The following INF2 variants were observed in gnomAD, a reference collection of about 807,000 sequenced individuals.
INF2 encodes the protein inverted formin-2.
A neutral mutation model predicts 123.5 loss-of-function variants in INF2; 43 were observed. The ratio of observed to expected loss-of-function variants is 0.35; its 90% CI spans 0.27 to 0.45. The LOEUF is 0.45. INF2 is among the 20% of genes least tolerant of loss of function. The probability of loss-of-function intolerance (pLI) is 1.00; values close to 1 mark genes in which losing one functional copy is unlikely to be tolerated. For missense variants in INF2, 1,453 were observed against 1,682.7 expected, an observed-to-expected ratio of 0.86 and a Z score of 2.39; for synonymous variants, 851 against 745.0, an observed-to-expected ratio of 1.14 and a Z score of -2.32.
intron 18 of INF2, 84 bp downstream of exon 18, chr14:104,713,076 G>A: frequency 2.5e-6 from 4 of 1,607,868 alleles, no homozygotes; most frequent in Admixed American, 3.3e-5. Context: ...GATGGGCAGA[G>A]GCACCTTTCG....
Position 104,707,525 on chromosome 14 carries a change from A to ACCCCCCCCCCCCCCCCCCCC in INF2, c.1262_1263insCCCCCCCCCCCCCCCCCCCC (p.Pro428HisfsTer137). 1 of 1,379,224 alleles carries ACCCCCCCCCCCCCCCCCCCC rather than the reference A, an allele frequency of 7.3e-7. No individual in the cohort carries two copies. The highest frequency in any genetic ancestry group is 3.5e-5 in the East Asian group (1 of 28,540). 85.4% of individuals were successfully genotyped at this position (1,379,224 alleles called of 1,614,324 possible). On this transcript the variant is annotated frameshift_variant, in exon 8 of 23. Transcript: ENST00000392634. LOFTEE classifies it high-confidence loss of function. ...CAGAGCCCTGGAGCAGCAGGCGTCC[A>ACCCCCCCCCCCCCCCCCCCC]CCCCACCCCCACCCCCACCCCCACC...
chr14:104,686,193 AGGTGGATG>A (rs1888658609), upstream of INF2, among the ~76,000 whole-genome samples: 1 of 138,970 alleles, frequency 7.2e-6, no homozygotes, highest in South Asian at 2.5e-4. Context: ...ATAGGTGGGT[AGGTGGATG>A]GGTGGATGGG....
Position 104,701,710 on chromosome 14 carries a change from C to T in INF2, c.345C>T (p.Ile115=), listed in dbSNP as rs1436446364. 1.9e-6 allele frequency: 3 copies of T among 1,543,750 alleles called. No homozygotes were observed. Among genetic ancestry groups the T allele is most frequent in the East Asian group, 2.3e-5 (1 of 42,654 alleles). ...CCGTCATGAACTCGCGGCAGGGCAT[C>T]GAGTACATCCTCAGCAACCAGGGCT... ...VRAVMNSRQG[I]EYILSNQGYV... The change falls in exon 2 of 23, where the codon ATC becomes ATT. Residue 115 remains isoleucine (I), a synonymous_variant. Transcript: ENST00000392634.
rs1226843023 is a variant in INF2 at position 104,707,885 on chromosome 14, G to A, written c.1618G>A (p.Ala540Thr). Reference protein sequence around the residue: ...VAGGMEEVIVAQVDHGLGSAW... With the variant: ...VAGGMEEVIVTQVDHGLGSAW... ...GGGAGGCATGGAGGAGGTCATCGTG[G>A]CCCAGGTGGACCATGGCTTGGGCTC... The change falls in exon 8 of 23, where the codon GCC becomes ACC. Residue 540 changes from alanine to threonine, a missense_variant. Physicochemically the swap from Ala to Thr is moderately conservative, Grantham distance 58. Coordinates refer to ENST00000392634, the MANE Select transcript of INF2 (RefSeq NM_022489.4). The A allele has an allele frequency of 6.2e-7, 1 of 1,605,992 alleles. No homozygotes were observed. The highest frequency in any genetic ancestry group is 8.5e-7 in the Non-Finnish European group (1 of 1,179,642).
intron 1 of INF2, among the ~76,000 whole-genome samples, chr14:104,696,537 A>G (rs1889200226): frequency 6.6e-6 from 1 of 152,172 alleles, no homozygotes; most frequent in South Asian, 2.1e-4. Context: ...GGGGAAGGTG[A>G]CACATGCTGG....
chr14:104,707,273 G>A lies in INF2; in HGVS notation c.1006G>A (p.Glu336Lys). Residue 336 changes from glutamate to lysine, a missense_variant, in exon 8 of 23, where the codon GAA becomes AAA. Glu to Lys is a moderately conservative substitution (Grantham distance 56). Coordinates refer to ENST00000392634, the MANE Select transcript of INF2 (RefSeq NM_022489.4). ...ASDAQECTLE[E>K]VVERLLSVKG... ...TGCAGCCCAGGAATGCACCCTGGAG[G>A]AAGTGGTTGAGCGGCTCCTGTCTGT... 1 of 1,609,910 alleles carries A rather than the reference G, an allele frequency of 6.2e-7. No individual in the cohort carries two copies. The highest frequency in any genetic ancestry group is 1.3e-5 in the African/African-American group (1 of 74,928).
Position 104,719,957 on chromosome 14 carries a change from T to C in INF2, c.*1164T>C, listed in dbSNP as rs1890487082. 1.3e-5 allele frequency: 2 copies of C among 152,464 alleles called. No individual in the cohort carries two copies. Among genetic ancestry groups the C allele is most frequent in the African/African-American group, 2.4e-5 (1 of 41,464 alleles). The allele number at this position is 152,464 out of a possible 1,614,324, so 9.4% of individuals were successfully genotyped here. On this transcript the variant is annotated 3_prime_UTR_variant, in exon 23 of 23. Coordinates refer to ENST00000392634, the MANE Select transcript of INF2 (RefSeq NM_022489.4). ...TACAAACCACCAGACTCCCTGGTTA[T>C]GTGTGTGCTGCGGTGGTGTTTGCTC... is the stretch of plus-strand genomic sequence containing the variant.
intron 10 of INF2, 70 bp downstream of exon 10, chr14:104,708,802 C>A: frequency 1.4e-6 from 2 of 1,467,796 alleles, no homozygotes; most frequent in Non-Finnish European, 1.9e-6. Flanking sequence ...CTGACTTGGG[C>A]CCAGCAGTGC....
intron 1 of INF2, among the ~76,000 whole-genome samples, chr14:104,682,050 G>A (rs1888537226): frequency 6.6e-6 from 1 of 152,236 alleles, no homozygotes; most frequent in Admixed American, 6.5e-5. Context: ...AGAGCCAGCA[G>A]CCTGTGCGGC....
chr14:104,703,556 C>T (rs1595166556), intron 4 of INF2, 102 bp downstream of exon 4: 1 of 1,483,328 alleles, frequency 6.7e-7, no homozygotes, highest in East Asian at 2.3e-5. Context: ...ACAAAAGCTG[C>T]CCCCGACCCA....
At position 104,703,574 on chromosome 14, in the gene INF2, A is replaced by G. The variant is rs1002784771; in HGVS notation, c.667+120A>G. 1.0e-4 allele frequency: 141 copies of G among 1,366,862 alleles called. No individual in the cohort carries two copies. In the African/African-American group the frequency reaches 1.8e-3, roughly 18 times the overall value. 84.7% of individuals were successfully genotyped at this position (1,366,862 alleles called of 1,614,324 possible). Reference sequence around the variant, plus strand: ...AAAGCTGCCCCCGACCCAGGGCCCCAGAGGAAGGCGCCATCTCGGGCCTGC... The same window carrying G: ...AAAGCTGCCCCCGACCCAGGGCCCCGGAGGAAGGCGCCATCTCGGGCCTGC... On this transcript the variant is annotated intron_variant, in intron 4 of 22. Transcript: ENST00000392634.
intron 1 of INF2, among the ~76,000 whole-genome samples, chr14:104,696,717 G>A (rs567256958): frequency 1.3e-5 from 2 of 152,218 alleles, no homozygotes; most frequent in South Asian, 4.2e-4. Flanking sequence ...GCCAAGCAGT[G>A]GAAAAATTGG....
chr14:104,694,058 G>C (rs1365313518), intron 1 of INF2, among the ~76,000 whole-genome samples: 1 of 152,240 alleles, frequency 6.6e-6, no homozygotes, highest in African/African-American at 2.4e-5. Context: ...TCCATGTGCA[G>C]AGGGCCCCCC....
intron 1 of INF2, among the ~76,000 whole-genome samples, chr14:104,697,193 C>A (rs1293059575): frequency 6.6e-6 from 1 of 152,226 alleles, no homozygotes; most frequent in East Asian, 1.9e-4. Flanking sequence ...GGCCTCCAGG[C>A]CCATTGGTGC....
chr14:104,713,418 GCTCT>G (rs1566785621), intron 19 of INF2, 23 bp from the exon 20 acceptor site: 5 of 1,603,228 alleles, frequency 3.1e-6, no homozygotes, highest in South Asian at 1.1e-5. Context: ...GTCCCATGCC[GCTCT>G]CTGAGTGCCC....
Position 104,719,071 on chromosome 14 carries a change from C to T in INF2, c.*278C>T, listed in dbSNP as rs1306272179. 10 of 623,666 alleles carry T rather than the reference C, an allele frequency of 1.6e-5. No individual in the cohort carries two copies. The highest frequency in any genetic ancestry group is 9.3e-5 in the East Asian group (3 of 32,236). 38.6% of individuals were successfully genotyped at this position (623,666 alleles called of 1,614,324 possible). On this transcript the variant is annotated 3_prime_UTR_variant, in exon 23 of 23. Transcript: ENST00000392634. The stretch of plus-strand genomic sequence containing the variant: ...CCTAAAGGCAACCCTGGCCCACACC[C>T]GCATGCGCCCGGTGCAGCCTGCCAA...
At chr14:104,688,113 T>A (rs1016502225), upstream of INF2, among the ~76,000 whole-genome samples, 1 of 152,246 alleles carries the variant, frequency 6.6e-6, no homozygotes, top group African/African-American at 2.4e-5. Context: ...GAGGCCGGCC[T>A]TCCAGGTGCA....
chr14:104,694,380 T>C (rs1365522380), intron 1 of INF2, among the ~76,000 whole-genome samples: 1 of 152,180 alleles, frequency 6.6e-6, no homozygotes, highest in Admixed American at 6.5e-5. Context: ...CCTGACGGGC[T>C]CCCTGGCACT....
At chr14:104,703,839 G>A in intron 4 of INF2, 77 bp from the exon 5 acceptor site, 2 of 1,606,140 alleles carry the variant, frequency 1.2e-6, no homozygotes, top group Non-Finnish European at 1.7e-6. Flanking sequence ...AGGGTCAGGT[G>A]CTCTGGGTGG....
Sources: allele counts gnomAD v4.1 joint callset (sites outside exome capture counted in the v4.1 genomes callset), GRCh38; gene constraint gnomAD v4.1.1; transcripts MANE v1.5; gene names NCBI Gene and HGNC (gene_info 2026-07-23, HGNC 2026-07-21).